The following EPHA6 variants were observed in gnomAD, a reference collection of about 807,000 sequenced individuals.
EPHA6 encodes EPH receptor A6.
A neutral mutation model predicts 112.0 loss-of-function variants in EPHA6; 50 were observed. That is an observed-to-expected ratio of 0.45 (90% CI 0.36 to 0.56). EPHA6 has a LOEUF of 0.56. Ranked by LOEUF, EPHA6 falls within the 20% of genes least tolerant of loss-of-function variation. The probability of loss-of-function intolerance (pLI) is 0.00; values close to 1 mark genes in which losing one functional copy is unlikely to be tolerated. For synonymous variants in EPHA6, 529 were observed against 490.7 expected, an observed-to-expected ratio of 1.08 and a Z score of -1.03; for missense variants, 1,280 against 1,417.4, an observed-to-expected ratio of 0.90 and a Z score of 1.56.
intron 3 of EPHA6, among the ~76,000 whole-genome samples, chr3:97,003,526 A>C (rs1449848426): frequency 6.6e-6 from 1 of 152,164 alleles, no homozygotes; most frequent in Non-Finnish European, 1.5e-5. Flanking sequence ...TTGTTGCTTT[A>C]AAATGAAGCC....
At chr3:97,246,144 A>C (rs966195794) in intron 5 of EPHA6, among the ~76,000 whole-genome samples, 2 of 151,868 alleles carry the variant, frequency 1.3e-5, no homozygotes, top group Admixed American at 6.6e-5. Context: ...ATATATCTTA[A>C]ATATAAAGTA....
intron 11 of EPHA6, among the ~76,000 whole-genome samples, chr3:97,555,025 A>C (rs531993604): frequency 1.3e-5 from 2 of 151,812 alleles, no homozygotes; most frequent in African/African-American, 4.8e-5. Flanking sequence ...GGTGTGCTGC[A>C]CCCATTAACT....
intron 14 of EPHA6, among the ~76,000 whole-genome samples, chr3:97,711,900 C>T (rs933655443): frequency 6.6e-6 from 1 of 152,112 alleles, no homozygotes; most frequent in African/African-American, 2.4e-5. Context: ...TTAATCATTG[C>T]TTTGTATTAG....
intron 8 of EPHA6, among the ~76,000 whole-genome samples, chr3:97,477,879 A>C (rs16838766): frequency 0.19 from 28,784 of 151,970 alleles, 4,100 homozygotes; most frequent in African/African-American, 0.38. Context: ...GCTCTTAACT[A>C]CAAAGACACA....
At chr3:97,382,943 T>C (rs1333753690) in intron 5 of EPHA6, among the ~76,000 whole-genome samples, 1 of 152,006 alleles carries the variant, frequency 6.6e-6, no homozygotes, top group African/African-American at 2.4e-5. Flanking sequence ...ACTCATGTCC[T>C]GAAGATTTAA....
At chr3:97,578,175 C>A (rs1463159103) in intron 11 of EPHA6, among the ~76,000 whole-genome samples, 2 of 152,012 alleles carry the variant, frequency 1.3e-5, no homozygotes, top group Non-Finnish European at 2.9e-5. Flanking sequence ...TGACAGAAAA[C>A]CCCAAATAAA....
At chr3:97,304,536 CA>C in intron 5 of EPHA6, among the ~76,000 whole-genome samples, 1 of 151,856 alleles carries the variant, frequency 6.6e-6, no homozygotes, top group Non-Finnish European at 1.5e-5. Flanking sequence ...GGTACTGGCA[CA>C]AAAACAAAAA....
chr3:97,638,338 C>G (rs76661625), intron 14 of EPHA6, among the ~76,000 whole-genome samples: 5 of 152,188 alleles, frequency 3.3e-5, no homozygotes, highest in Non-Finnish European at 7.4e-5. Context: ...TCATGCTTAA[C>G]GTCCATGTCA....
At chr3:97,685,965 T>G (rs1163600768) in intron 14 of EPHA6, among the ~76,000 whole-genome samples, 2 of 152,128 alleles carry the variant, frequency 1.3e-5, no homozygotes, top group Non-Finnish European at 2.9e-5. Context: ...CTCTGAGCCC[T>G]GGAATGGCAA....
chr3:97,253,734 A>G (rs1451255914), intron 5 of EPHA6, among the ~76,000 whole-genome samples: 1 of 152,028 alleles, frequency 6.6e-6, no homozygotes, highest in East Asian at 1.9e-4. Flanking sequence ...AATATCCTAA[A>G]TAGGTATTAG....
At chr3:97,126,718 T>TA (rs35157365) in intron 3 of EPHA6, among the ~76,000 whole-genome samples, 12,496 of 148,438 alleles carry the variant, frequency 0.084, 627 homozygotes, top group East Asian at 0.19. Flanking sequence ...TCACCTGTGT[T>TA]AAAAAAAAAA....
At chr3:97,088,813 G>T (rs1292558800) in intron 3 of EPHA6, among the ~76,000 whole-genome samples, 1 of 151,952 alleles carries the variant, frequency 6.6e-6, no homozygotes, top group Non-Finnish European at 1.5e-5. Context: ...ATAAATGTTG[G>T]TCACTCTACC....
intron 2 of EPHA6, among the ~76,000 whole-genome samples, chr3:96,954,773 C>CT (rs10612575): frequency 0.023 from 1,668 of 72,722 alleles, 387 homozygotes; most frequent in Non-Finnish European, 0.027. Context: ...ACTGGTGTGC[C>CT]TTTTTTTTTT....
intron 7 of EPHA6, among the ~76,000 whole-genome samples, chr3:97,454,238 T>A (rs1480723862): frequency 6.6e-6 from 1 of 151,798 alleles, no homozygotes; most frequent in East Asian, 1.9e-4. Context: ...TATTTTATTG[T>A]TCAAAGGCGT....
chr3:97,655,985 T>A (rs375998467), intron 14 of EPHA6, among the ~76,000 whole-genome samples: 15 of 151,962 alleles, frequency 9.9e-5, no homozygotes, highest in Admixed American at 2.6e-4. Context: ...GTTTTTTTTT[T>A]ATTTTTCTTA....
chr3:97,208,056 C>T (rs79508305), intron 3 of EPHA6, among the ~76,000 whole-genome samples: 8,768 of 152,186 alleles, frequency 0.058, 842 homozygotes, highest in African/African-American at 0.2. Flanking sequence ...GGTGATTACA[C>T]AGCCACATAG....
At chr3:97,241,328 G>A (rs566720793) in intron 4 of EPHA6, among the ~76,000 whole-genome samples, 1 of 151,886 alleles carries the variant, frequency 6.6e-6, no homozygotes, top group South Asian at 2.1e-4. Flanking sequence ...TTAGTCTGGA[G>A]GGTGAAGACT....
chr3:97,566,251 C>A (rs539363178), intron 11 of EPHA6, among the ~76,000 whole-genome samples: 4 of 152,108 alleles, frequency 2.6e-5, no homozygotes, highest in South Asian at 2.1e-4. Flanking sequence ...CAGTTATCAC[C>A]AAGGGGGTGG....
At position 97,751,043 on chromosome 3, in the gene EPHA6, A is replaced by T. The variant is rs1481646600; in HGVS notation, c.*2342A>T. On this transcript the variant is annotated 3_prime_UTR_variant, in exon 18 of 18. Coordinates refer to ENST00000389672, the MANE Select transcript of EPHA6 (RefSeq NM_001080448.3). Reference sequence around the variant, plus strand: ...CCTATCTTCAAATATATATTAAATAAGAACAGATATAAAACAGATTAAATT... The same window carrying T: ...CCTATCTTCAAATATATATTAAATATGAACAGATATAAAACAGATTAAATT... Among the ~76,000 whole-genome samples, 4 of 152,154 alleles carry T rather than the reference A, an allele frequency of 2.6e-5. No homozygotes were observed. The highest frequency in any genetic ancestry group is 6.5e-5 in the Admixed American group (1 of 15,280).
Sources: gnomAD v4.1 joint callset for allele counts (sites outside exome capture counted in the v4.1 genomes callset) on GRCh38, gnomAD v4.1.1 for gene constraint, MANE v1.5 for transcripts, NCBI Gene and HGNC (gene_info 2026-07-23, HGNC 2026-07-21) for gene names.